MCC: variants seen among roughly 807,000 people sequenced by gnomAD.
The protein encoded by MCC is MCC regulator of Wnt signaling pathway.
MCC carries 90 observed loss-of-function variants against 116.2 expected under a neutral mutation model. The ratio of observed to expected loss-of-function variants is 0.77; its 90% CI spans 0.65 to 0.92. The LOEUF (loss-of-function observed/expected upper bound fraction) is 0.92, where lower values mean the gene tolerates loss of function less well. Among genes scored for constraint, MCC ranks in the 40% least tolerant of loss-of-function variants. The pLI is 0.00. For synonymous variants in MCC, 578 were observed against 510.5 expected (o/e 1.13, Z -1.78); for missense variants, 1,516 against 1,312.2 (o/e 1.16, Z -2.40).
chr5:113,260,267 C>A (rs1480012444), intron 3 of MCC, among the ~76,000 whole-genome samples: 1 of 152,064 alleles, frequency 6.6e-6, no homozygotes, highest in Non-Finnish European at 1.5e-5. Flanking sequence ...TAAAAATAAT[C>A]TTTAAAACCA....
intron 5 of MCC, among the ~76,000 whole-genome samples, chr5:113,139,394 A>C (rs905914911): frequency 1.3e-5 from 2 of 152,148 alleles, no homozygotes; most frequent in African/African-American, 2.4e-5. Flanking sequence ...CTCTTACAGG[A>C]AAAGTCCTAT....
intron 3 of MCC, among the ~76,000 whole-genome samples, chr5:113,175,092 G>A (rs895845011): frequency 3.3e-5 from 5 of 152,158 alleles, no homozygotes; most frequent in African/African-American, 1.2e-4. Flanking sequence ...TAGCTCTTCC[G>A]TGATATACTT....
At chr5:113,318,600 C>T (rs975176165) in intron 3 of MCC, among the ~76,000 whole-genome samples, 14 of 151,962 alleles carry the variant, frequency 9.2e-5, no homozygotes, top group Non-Finnish European at 1.9e-4. Flanking sequence ...AAATACTGCA[C>T]GTTCTTACTT....
At chr5:113,333,864 T>TATGTACATATATGTATATATGTAC (rs1767800565) in intron 3 of MCC, among the ~76,000 whole-genome samples, 3 of 114,296 alleles carry the variant, frequency 2.6e-5, no homozygotes, top group African/African-American at 1.2e-4. Context: ...CATATATGTA[T>TATGTACATATATGTATATATGTAC]ATATGTATTC....
intron 7 of MCC, 57 bp downstream of exon 7, chr5:113,104,135 T>C (rs151254839): frequency 6.7e-7 from 1 of 1,493,772 alleles, no homozygotes; most frequent in African/African-American, 1.4e-5. Context: ...AGAGAAGGAT[T>C]GGACCATTTC....
chr5:113,032,365 G>A (rs1244992034), intron 17 of MCC, among the ~76,000 whole-genome samples: 2 of 142,116 alleles, frequency 1.4e-5, no homozygotes, highest in Admixed American at 7.5e-5. Context: ...CCGAGATCGC[G>A]CCACTGCGCT....
chr5:113,252,662 TCCC>T (rs919180454), intron 3 of MCC, among the ~76,000 whole-genome samples: 8 of 152,142 alleles, frequency 5.3e-5, no homozygotes, highest in Admixed American at 5.2e-4. Flanking sequence ...CCTGAAACAA[TCCC>T]CTACCCACTC....
chr5:113,210,018 A>C (rs1441935722), intron 3 of MCC, among the ~76,000 whole-genome samples: 2 of 152,178 alleles, frequency 1.3e-5, no homozygotes, highest in African/African-American at 4.8e-5. Flanking sequence ...ACCTGACTTA[A>C]AGGACCTATG....
At chr5:113,134,555 C>CTTTT in intron 5 of MCC, among the ~76,000 whole-genome samples, 411 of 29,936 alleles carry the variant, frequency 0.014, no homozygotes, top group East Asian at 0.021. Context: ...GCTATTTGGG[C>CTTTT]TTTTTTTTTT....
At chr5:113,084,321 C>G in intron 9 of MCC, 131 bp from the exon 10 acceptor site, 1 of 689,770 alleles carries the variant, frequency 1.4e-6, no homozygotes. Flanking sequence ...GAACAGCTCA[C>G]GTCCAATTTT....
chr5:113,359,734 G>A (rs1768500826), intron 2 of MCC, among the ~76,000 whole-genome samples: 1 of 152,260 alleles, frequency 6.6e-6, no homozygotes, highest in Non-Finnish European at 1.5e-5. Context: ...ATTCAAAGGA[G>A]AGTTTGGGGA....
intron 16 of MCC, 76 bp downstream of exon 16, chr5:113,049,017 G>A: frequency 1.4e-6 from 2 of 1,394,418 alleles, no homozygotes; most frequent in Non-Finnish European, 2.0e-6. Flanking sequence ...GGGCGGTGAG[G>A]TGTGGCCAGT....
chr5:113,076,881 G>C (rs958976164), intron 11 of MCC, among the ~76,000 whole-genome samples: 2 of 152,144 alleles, frequency 1.3e-5, no homozygotes, highest in African/African-American at 4.8e-5. Context: ...AAAGAGTCAA[G>C]ACCCATGAGT....
Position 113,434,403 on chromosome 5 carries a change from T to C in MCC, c.171-49191A>G. 6.2e-7 allele frequency: 1 copy of C among 1,613,738 alleles called. No homozygotes were observed. The highest frequency in any genetic ancestry group is 8.5e-7 in the Non-Finnish European group (1 of 1,179,936). ...GTCGGACAGCTTGATGTTGAAGTCC[T>C]TGTCAAGGAGAAGGTTGTCACACTT... On this transcript the variant is annotated intron_variant, in intron 1 of 18. Coordinates refer to ENST00000408903, the MANE Select transcript of MCC (RefSeq NM_001085377.2). This position sits in a 1 kb window ranked among gnomAD's most constrained non-coding sequence, Gnocchi z 4.2.
chr5:113,271,787 C>T (rs1765628226), intron 3 of MCC, among the ~76,000 whole-genome samples: 1 of 152,124 alleles, frequency 6.6e-6, no homozygotes, highest in African/African-American at 2.4e-5. Context: ...GTCCCCCATT[C>T]CCCTCTTGCC....
intron 1 of MCC, among the ~76,000 whole-genome samples, chr5:113,429,998 G>T (rs1378957633): frequency 6.6e-6 from 1 of 152,186 alleles, no homozygotes; most frequent in Non-Finnish European, 1.5e-5. Flanking sequence ...CTAAGCAACT[G>T]CCAGGAGAGC....
intron 4 of MCC, among the ~76,000 whole-genome samples, chr5:113,150,540 A>T (rs1006460832): frequency 4.6e-5 from 7 of 152,166 alleles, no homozygotes; most frequent in African/African-American, 1.7e-4. Flanking sequence ...GAAGAGTTAG[A>T]AATAAAATGA....
chr5:113,200,296 G>A (rs1445600060), intron 3 of MCC, among the ~76,000 whole-genome samples: 1 of 152,162 alleles, frequency 6.6e-6, no homozygotes, highest in Non-Finnish European at 1.5e-5. Flanking sequence ...TAAAGGAAAA[G>A]TGATCTCATG....
intron 6 of MCC, among the ~76,000 whole-genome samples, chr5:113,110,899 G>A (rs183910369): frequency 6.6e-5 from 10 of 152,230 alleles, no homozygotes; most frequent in African/African-American, 1.4e-4. Flanking sequence ...CTGGCAATGC[G>A]GGGCCCAGCT....
Sources: gnomAD v4.1 joint callset for allele counts (sites outside exome capture counted in the v4.1 genomes callset) on GRCh38, gnomAD v4.1.1 for gene constraint, Gnocchi (gnomAD v3.1) non-coding constraint, MANE v1.5 for transcripts, NCBI Gene and HGNC (gene_info 2026-07-23, HGNC 2026-07-21) for gene names.